The following PTPRD variants were observed in gnomAD, a reference collection of about 807,000 sequenced individuals.
PTPRD encodes the protein protein tyrosine phosphatase receptor type D.
PTPRD carries 34 observed loss-of-function variants against 214.5 expected under a neutral mutation model. That is an observed-to-expected ratio of 0.16 (90% confidence interval 0.12 to 0.21). The LOEUF is 0.21. Among genes scored for constraint, PTPRD ranks in the 10% least tolerant of loss-of-function variants. PTPRD has a pLI of 1.00. For missense variants in PTPRD, 2,545 were observed against 2,398.7 expected, an observed-to-expected ratio of 1.06 and a Z score of -1.27; for synonymous variants, 1,128 against 845.7, an observed-to-expected ratio of 1.33 and a Z score of -5.79.
intron 4 of PTPRD, among the ~76,000 whole-genome samples, chr9:10,013,196 G>T (rs930454574): frequency 6.6e-6 from 1 of 151,840 alleles, no homozygotes; most frequent in Non-Finnish European, 1.5e-5. Context: ...AAAGCCTTCA[G>T]AAGTTTTTCA....
At chr9:8,396,553 G>C (rs1271842706) in intron 36 of PTPRD, among the ~76,000 whole-genome samples, 3 of 151,830 alleles carry the variant, frequency 2.0e-5, no homozygotes, top group Non-Finnish European at 4.4e-5. Context: ...GAAGACAATA[G>C]AGATAAAAAT....
intron 5 of PTPRD, among the ~76,000 whole-genome samples, chr9:9,825,671 G>C (rs2052561231): frequency 1.3e-5 from 2 of 151,876 alleles, no homozygotes; most frequent in South Asian, 2.1e-4. Flanking sequence ...AGAAACGATG[G>C]AGTACAATGA....
intron 32 of PTPRD, among the ~76,000 whole-genome samples, chr9:8,465,113 G>C (rs1261617385): frequency 6.6e-6 from 1 of 151,812 alleles, no homozygotes; most frequent in African/African-American, 2.4e-5. Context: ...TCCTTTTTTG[G>C]ACAACAGTCA....
intron 12 of PTPRD, among the ~76,000 whole-genome samples, chr9:8,676,929 G>C (rs1158708360): frequency 1.3e-5 from 2 of 152,076 alleles, no homozygotes; most frequent in Admixed American, 6.6e-5. Flanking sequence ...GCACACAGTA[G>C]GCACCCAAAA....
chr9:10,247,750 G>C (rs563441489), intron 3 of PTPRD, among the ~76,000 whole-genome samples: 4 of 152,244 alleles, frequency 2.6e-5, no homozygotes, highest in African/African-American at 4.8e-5. Context: ...AGAGAAAGAA[G>C]TGGCAAGGGA....
intron 11 of PTPRD, among the ~76,000 whole-genome samples, chr9:8,738,250 G>A (rs977392211): frequency 1.3e-5 from 2 of 152,094 alleles, no homozygotes; most frequent in African/African-American, 2.4e-5. Flanking sequence ...GGTTTCAAGC[G>A]ATCACATAAA....
chr9:9,293,209 A>T (rs1951785805), intron 9 of PTPRD, among the ~76,000 whole-genome samples: 1 of 151,484 alleles, frequency 6.6e-6, no homozygotes, highest in African/African-American at 2.4e-5. Flanking sequence ...TCATTCCTCA[A>T]TTCATTTACC....
intron 11 of PTPRD, among the ~76,000 whole-genome samples, chr9:8,792,007 G>C (rs1283141849): frequency 6.6e-6 from 1 of 152,156 alleles, no homozygotes; most frequent in Non-Finnish European, 1.5e-5. Context: ...AAATGTGTGA[G>C]AATTATGAGG....
intron 9 of PTPRD, among the ~76,000 whole-genome samples, chr9:9,367,099 T>G (rs1238777264): frequency 6.6e-6 from 1 of 151,556 alleles, no homozygotes; most frequent in Non-Finnish European, 1.5e-5. Context: ...AGTTTTTGAT[T>G]TATAAATGAA....
At chr9:10,611,196 T>G (rs1408919055) in intron 2 of PTPRD, among the ~76,000 whole-genome samples, 1 of 152,168 alleles carries the variant, frequency 6.6e-6, no homozygotes, top group African/African-American at 2.4e-5. Context: ...AAACTTTTTC[T>G]AATCACTATT....
chr9:9,158,624 A>T (rs2099883464), intron 10 of PTPRD, among the ~76,000 whole-genome samples: 2 of 152,156 alleles, frequency 1.3e-5, no homozygotes, highest in African/African-American at 4.8e-5. Context: ...AAATAAATAA[A>T]AATAATAAAG....
At chr9:9,185,809 G>A (rs191217331) in intron 9 of PTPRD, among the ~76,000 whole-genome samples, 483 of 151,540 alleles carry the variant, frequency 3.2e-3, no homozygotes, top group African/African-American at 0.011. Flanking sequence ...GCAAACATGC[G>A]TTGGATTTAC....
Position 8,500,890 on chromosome 9 carries a change from TC to T in PTPRD, c.1991del (p.Gly664GlufsTer24). 2 of 1,614,156 alleles carry T rather than the reference TC, an allele frequency of 1.2e-6. No homozygotes were observed. Among genetic ancestry groups the T allele is most frequent in the South Asian group, 2.2e-5 (2 of 91,072 alleles). The part of the protein sequence containing the change: ...GEDDKPHEIL[G>X]IPSDTTKYLL... ...GGTATTTGGTAGTGTCCGAAGGAAT[TC>T]CCAAAATCTCGTGAGGCTTGTCATC... On this transcript the variant is annotated frameshift_variant, in exon 24 of 46. Transcript: ENST00000381196. LOFTEE classifies it high-confidence loss of function.
At chr9:8,475,451 A>C (rs975249192) in intron 30 of PTPRD, among the ~76,000 whole-genome samples, 1 of 152,104 alleles carries the variant, frequency 6.6e-6, no homozygotes. Context: ...AAGAACTTCT[A>C]TCCAGACCCT....
At chr9:9,471,612 T>G (rs2094591282) in intron 8 of PTPRD, among the ~76,000 whole-genome samples, 1 of 152,212 alleles carries the variant, frequency 6.6e-6, no homozygotes, top group African/African-American at 2.4e-5. Context: ...TATGTTTTTG[T>G]ATTCCTGATC....
rs531381966 is a variant in PTPRD at position 8,869,077 on chromosome 9, A to G, written c.-103-135131T>C. Among the ~76,000 whole-genome samples, 128 of 152,264 alleles carry G rather than the reference A, an allele frequency of 8.4e-4. 1 individual carries two copies. Among genetic ancestry groups the G allele is most frequent in the African/African-American group, 2.7e-3 (113 of 41,562 alleles). The stretch of plus-strand genomic sequence containing the variant: ...CTGTGATTAAAACAAGAAGAGAAAC[A>G]AAAAAAGAAAGAATTGGAAAGATTA... On this transcript the variant is annotated intron_variant, in intron 11 of 45. Transcript: ENST00000381196.
intron 11 of PTPRD, among the ~76,000 whole-genome samples, chr9:8,837,611 C>G (rs2097460482): frequency 6.6e-6 from 1 of 152,122 alleles, no homozygotes; most frequent in African/African-American, 2.4e-5. Context: ...ATTCTTCCAC[C>G]TTAGCCTCTC....
chr9:8,414,964 AGAGAG>A (rs2093818422), intron 35 of PTPRD, among the ~76,000 whole-genome samples: 1 of 149,938 alleles, frequency 6.7e-6, no homozygotes, highest in Non-Finnish European at 1.5e-5. Context: ...AGAGAGAGAG[AGAGAG>A]AGAGACAGAC....
chr9:9,223,771 G>C (rs958318265), intron 9 of PTPRD, among the ~76,000 whole-genome samples: 2 of 151,918 alleles, frequency 1.3e-5, no homozygotes, highest in Non-Finnish European at 2.9e-5. Context: ...AATTATAATT[G>C]AGTATTAACT....
Sources: allele counts gnomAD v4.1 joint callset (sites outside exome capture counted in the v4.1 genomes callset), GRCh38; gene constraint gnomAD v4.1.1; transcripts MANE v1.5; gene names NCBI Gene and HGNC (gene_info 2026-07-23, HGNC 2026-07-21).